The following NRXN3 variants were observed in gnomAD, a reference collection of about 807,000 sequenced individuals.
NRXN3 encodes the protein neurexin 3, also known as neurexin III.
Under a neutral mutation model 137.6 loss-of-function variants are expected in NRXN3, and 32 were observed. The observed-to-expected ratio is 0.23, with a 90% CI of 0.18 to 0.31. The LOEUF (loss-of-function observed/expected upper bound fraction) is 0.31. Ranked by LOEUF, NRXN3 falls within the 10% of genes least tolerant of loss-of-function variation. NRXN3 has a pLI of 1.00. For missense variants in NRXN3, 1,574 were observed against 2,062.5 expected, an observed-to-expected ratio of 0.76 and a Z score of 4.59; for synonymous variants, 798 against 784.5, an observed-to-expected ratio of 1.02 and a Z score of -0.29.
chr14:79,418,621 G>GCAGT (rs1420595519), intron 15 of NRXN3, among the ~76,000 whole-genome samples: 2 of 152,148 alleles, frequency 1.3e-5, no homozygotes, highest in African/African-American at 4.8e-5. Flanking sequence ...CTTGAGCACA[G>GCAGT]CAGTCAATAA....
intron 10 of NRXN3, among the ~76,000 whole-genome samples, chr14:78,821,303 G>C (rs549467893): frequency 6.6e-6 from 1 of 152,252 alleles, no homozygotes; most frequent in African/African-American, 2.4e-5. Flanking sequence ...ACAGAGGGCT[G>C]CTCCTCTGTT....
intron 20 of NRXN3, among the ~76,000 whole-genome samples, chr14:79,843,376 A>T (rs186116941): frequency 2.1e-4 from 32 of 152,328 alleles, no homozygotes; most frequent in African/African-American, 6.7e-4. Context: ...TATTCAGCGA[A>T]TGTTTTTGCT....
At chr14:78,953,227 G>A (rs2099390413) in intron 10 of NRXN3, among the ~76,000 whole-genome samples, 1 of 150,954 alleles carries the variant, frequency 6.6e-6, no homozygotes, top group Non-Finnish European at 1.5e-5. Flanking sequence ...GCCAAAAGAG[G>A]GAAAAATCTG....
intron 17 of NRXN3, among the ~76,000 whole-genome samples, chr14:79,687,754 A>G (rs1305648633): frequency 6.6e-6 from 1 of 152,160 alleles, no homozygotes; most frequent in Non-Finnish European, 1.5e-5. Flanking sequence ...CCTGGTGCAA[A>G]TTGGCAGAAC....
chr14:78,615,096 T>C (rs2097334712), intron 4 of NRXN3: 1 of 456,546 alleles, frequency 2.2e-6, no homozygotes, highest in Non-Finnish European at 4.4e-6. Context: ...AGTTGAGGTT[T>C]TGAAACAACT....
intron 4 of NRXN3, among the ~76,000 whole-genome samples, chr14:78,507,210 G>T (rs960548336): frequency 6.6e-6 from 1 of 152,114 alleles, no homozygotes; most frequent in African/African-American, 2.4e-5. Flanking sequence ...TCCTCAAAAC[G>T]AATCCATGGG....
chr14:79,810,231 G>C lies in NRXN3; in HGVS notation c.4093+5041G>C, dbSNP rs77026862. 2.2e-3 allele frequency among the ~76,000 whole-genome samples: 336 copies of C among 152,252 alleles called. 10 individuals are homozygous for C. The East Asian group carries it at 0.044, about 20-fold the overall frequency. ...AAAGTAATACTTTTATACCTAATAA[G>C]TGGGCATGGCAATACTTAACCACAT... is the stretch of plus-strand genomic sequence containing the variant. On this transcript the variant is annotated intron_variant, in intron 20 of 20. Coordinates refer to ENST00000335750, the MANE Select transcript of NRXN3 (RefSeq NM_001330195.2).
chr14:78,303,938 T>G (rs2153534410), intron 4 of NRXN3, among the ~76,000 whole-genome samples: 1 of 152,238 alleles, frequency 6.6e-6, no homozygotes, highest in South Asian at 2.1e-4. Flanking sequence ...CTACACAAGC[T>G]CAGTACTAGG....
At chr14:78,928,015 T>A (rs2099310886) in intron 10 of NRXN3, among the ~76,000 whole-genome samples, 2 of 152,164 alleles carry the variant, frequency 1.3e-5, no homozygotes, top group Admixed American at 1.3e-4. Flanking sequence ...AGCTTCCTTG[T>A]CCCTTGGAGA....
At chr14:79,509,360 A>C (rs1477478733) in intron 16 of NRXN3, among the ~76,000 whole-genome samples, 5 of 152,050 alleles carry the variant, frequency 3.3e-5, no homozygotes, top group African/African-American at 1.2e-4. Flanking sequence ...ACACACACGC[A>C]AAAATATTAG....
rs2094481663 is a variant in NRXN3, at chr14:78,448,741, GC to G, written c.757+150882del. ...GTTGGTGTGGGCATTCTGATGGGTA[GC>G]TCTCCTCCGCATTTTGTGTGGTTCA... On this transcript the variant is annotated intron_variant, in intron 4 of 20. Transcript: ENST00000335750. Among the ~76,000 whole-genome samples, 3 of 152,306 alleles carry G rather than the reference GC, an allele frequency of 2.0e-5. No homozygotes were observed. The South Asian group carries it at 6.2e-4, about 32-fold the overall frequency.
chr14:78,765,789 C>G (rs928450754), intron 8 of NRXN3, among the ~76,000 whole-genome samples: 1 of 151,950 alleles, frequency 6.6e-6, no homozygotes, highest in Admixed American at 6.6e-5. Context: ...ATATTCTCAC[C>G]TTCCCCCATC....
Position 78,803,682 on chromosome 14 carries a change from C to T in NRXN3, c.2107C>T (p.His703Tyr). ...GAAGATCATCATGCCCATGGTCATG[C>T]ATACTGAGGCAGAGGATGTGTCCTT... ...YMKIIMPMVM[H>Y]TEAEDVSFRF... The change falls in exon 9 of 21, where the codon CAT becomes TAT. Residue 703 changes from histidine to tyrosine, a missense_variant. His to Tyr is a moderately conservative substitution (Grantham distance 83). Transcript: ENST00000335750. 6.2e-7 allele frequency: 1 copy of T among 1,614,116 alleles called. No homozygotes were observed. Among genetic ancestry groups the T allele is most frequent in the Non-Finnish European group, 8.5e-7 (1 of 1,179,974 alleles).
intron 15 of NRXN3, among the ~76,000 whole-genome samples, chr14:79,162,116 T>G (rs1158996320): frequency 1.3e-5 from 2 of 151,864 alleles, no homozygotes; most frequent in Middle Eastern, 3.4e-3. Context: ...TTGTTTTTTT[T>G]TTTTGTGGTT....
intron 4 of NRXN3, among the ~76,000 whole-genome samples, chr14:78,511,460 C>A (rs890139768): frequency 2.0e-5 from 3 of 152,146 alleles, no homozygotes; most frequent in African/African-American, 7.2e-5. Context: ...CTATATGAAG[C>A]CCAGGTGGGA....
At chr14:79,843,232 TG>T (rs2099359871) in intron 20 of NRXN3, among the ~76,000 whole-genome samples, 1 of 152,246 alleles carries the variant, frequency 6.6e-6, no homozygotes, top group African/African-American at 2.4e-5. Flanking sequence ...ATGAATTTCT[TG>T]GTTTCCCAGT....
chr14:79,236,357 G>C (rs894536009), intron 15 of NRXN3, among the ~76,000 whole-genome samples: 1 of 151,972 alleles, frequency 6.6e-6, no homozygotes, highest in African/African-American at 2.4e-5. Flanking sequence ...ATGTACATAT[G>C]TTCACATACA....
At chr14:79,418,830 T>G (rs1009888947) in intron 15 of NRXN3, among the ~76,000 whole-genome samples, 1 of 152,198 alleles carries the variant, frequency 6.6e-6, no homozygotes, top group Non-Finnish European at 1.5e-5. Context: ...TTGGAGCACT[T>G]GGCCAGGCAA....
intron 20 of NRXN3, among the ~76,000 whole-genome samples, chr14:79,817,898 C>A (rs1482273885): frequency 2.0e-5 from 3 of 152,032 alleles, no homozygotes; most frequent in Non-Finnish European, 4.4e-5. Context: ...AAAATTGTTC[C>A]ATTATGATTT....
Sources: gnomAD v4.1 joint callset for allele counts (sites outside exome capture counted in the v4.1 genomes callset) on GRCh38, gnomAD v4.1.1 for gene constraint, MANE v1.5 for transcripts, NCBI Gene and HGNC (gene_info 2026-07-23, HGNC 2026-07-21) for gene names.